The following PSAT1 variants were observed in gnomAD, a reference collection of about 807,000 sequenced individuals.
PSAT1 encodes phosphoserine aminotransferase 1, also known as phosphoserine aminotransferase.
PSAT1 carries 41 observed loss-of-function variants against 40.3 expected under a neutral mutation model. That is an observed-to-expected ratio of 1.02 (90% confidence interval 0.79 to 1.32). The LOEUF (loss-of-function observed/expected upper bound fraction) is 1.32, where lower values mean the gene tolerates loss of function less well. Among genes scored for constraint, PSAT1 ranks in the 40% most tolerant of loss-of-function variants. PSAT1 has a pLI of 0.00. For missense variants in PSAT1, 406 were observed against 455.8 expected (o/e 0.89, Z 0.99); for synonymous variants, 147 against 170.5 (o/e 0.86, Z 1.07).
At chr9:78,297,320 C>G in intron 1 of PSAT1, 50 bp downstream of exon 1, 5 of 1,557,098 alleles carry the variant, frequency 3.2e-6, no homozygotes, top group Non-Finnish European at 4.3e-6. Flanking sequence ...CGGGAGCACG[C>G]ACGCGGGTGG....
chr9:78,311,239 G>A (rs541948629), intron 6 of PSAT1, among the ~76,000 whole-genome samples: 12 of 152,214 alleles, frequency 7.9e-5, no homozygotes, highest in African/African-American at 2.6e-4. Context: ...CTGGCCTCCG[G>A]GGGAAGGGGC....
chr9:78,304,662 G>A (rs1828154388), intron 3 of PSAT1, 73 bp from the exon 4 acceptor site: 1 of 1,417,892 alleles, frequency 7.1e-7, no homozygotes, highest in African/African-American at 1.4e-5. Flanking sequence ...AAAGCACTTG[G>A]TAGAGCATCA....
At chr9:78,318,639 C>T (rs1348751284) in intron 7 of PSAT1, among the ~76,000 whole-genome samples, 1 of 152,178 alleles carries the variant, frequency 6.6e-6, no homozygotes, top group Non-Finnish European at 1.5e-5. Flanking sequence ...CTTCACATGG[C>T]CTTCTTTCTG....
rs1397133333 is a variant in PSAT1, at chr9:78,326,953, A to ATT, written c.870-1097_870-1096insTT. Among the ~76,000 whole-genome samples the ATT allele has an allele frequency of 2.7e-3, 223 of 81,428 alleles. 5 individuals carry two copies. Among genetic ancestry groups the ATT allele is most frequent in the African/African-American group, 0.019 (205 of 10,826 alleles). The allele number at this position is 81,428 out of a possible 152,430, so 53.4% of individuals were successfully genotyped here. A position where few individuals can be genotyped will look rare whatever the true frequency, so the allele number is the denominator to read the frequency against. On this transcript the variant is annotated intron_variant, in intron 7 of 8. Coordinates refer to ENST00000376588, the MANE Select transcript of PSAT1 (RefSeq NM_058179.4). ...GACAGCAATATATATATATATATAT[A>ATT]TATTTTTTTTTTTTTTTTTTGAGAC...
chr9:78,328,996 C>G lies in PSAT1; in HGVS notation c.1023C>G (p.Ile341Met), dbSNP rs1828541916. 2.5e-6 allele frequency: 4 copies of G among 1,613,776 alleles called. No homozygotes were observed. Among genetic ancestry groups the G allele is most frequent in the Non-Finnish European group, 2.5e-6 (3 of 1,179,760 alleles). Residue 341 changes from isoleucine to methionine, a missense_variant, in exon 9 of 9, where the codon ATC (isoleucine) becomes ATG (methionine). Ile to Met is a conservative substitution (Grantham distance 10). Transcript: ENST00000376588. ...SLKGHRSVGG[I>M]RASLYNAVTI... ...GTCATTCTAGGTCTGTGGGAGGCATCCGGGCCTCTCTGTATAATGCTGTCA... is the reference window on the plus strand; with the variant it reads ...GTCATTCTAGGTCTGTGGGAGGCATGCGGGCCTCTCTGTATAATGCTGTCA...
rs565834306 is a variant in PSAT1 at position 78,302,447 on chromosome 9, G to A, written c.191+424G>A. ...GGGGAATATTAAAAAATTCAAGTGG[G>A]GCCGGGCAAGGTGGCTCATGCCTGT... On this transcript the variant is annotated intron_variant, in intron 3 of 8. Coordinates refer to ENST00000376588, the MANE Select transcript of PSAT1 (RefSeq NM_058179.4). Among the ~76,000 whole-genome samples, 9 of 152,174 alleles carry A rather than the reference G, an allele frequency of 5.9e-5. No homozygotes were observed. In the South Asian group the frequency reaches 1.2e-3, roughly 21 times the overall value.
At chr9:78,324,993 T>A (rs947755418) in intron 7 of PSAT1, among the ~76,000 whole-genome samples, 21 of 152,280 alleles carry the variant, frequency 1.4e-4, no homozygotes, top group African/African-American at 4.8e-4. Flanking sequence ...TTCCTTTTTT[T>A]AATTTACAGT....
intron 6 of PSAT1, among the ~76,000 whole-genome samples, chr9:78,313,296 C>T (rs566041984): frequency 2.6e-5 from 4 of 152,230 alleles, no homozygotes; most frequent in South Asian, 2.1e-4. Flanking sequence ...ACCTGGGAGG[C>T]GGAAGTTGCA....
intron 6 of PSAT1, among the ~76,000 whole-genome samples, chr9:78,316,875 G>A (rs1828353108): frequency 6.6e-6 from 1 of 152,174 alleles, no homozygotes; most frequent in South Asian, 2.1e-4. Context: ...GAACAGCGTG[G>A]GCTTCTAGCC....
intron 5 of PSAT1, among the ~76,000 whole-genome samples, chr9:78,307,339 A>G (rs1048867762): frequency 6.6e-6 from 1 of 152,206 alleles, no homozygotes; most frequent in Admixed American, 6.5e-5. Context: ...GAATGTCTTC[A>G]AGGTTCTATT....
chr9:78,297,157 G>A lies in PSAT1; in HGVS notation c.-54G>A, dbSNP rs1828036679. On this transcript the variant is annotated 5_prime_UTR_variant, in exon 1 of 9. Transcript: ENST00000376588. ...CTCACCGCAGCGGCCAGGAACGCCA[G>A]CCGTTCACGCGTTCGGTCCTCCTTG... 1 of 1,545,646 alleles carries A rather than the reference G, an allele frequency of 6.5e-7. No individual in the cohort carries two copies. The highest frequency in any genetic ancestry group is 8.8e-7 in the Non-Finnish European group (1 of 1,142,592).
rs1239973921 is a variant in PSAT1, at chr9:78,316,513, T to TC, written c.741-1159dup. Among the ~76,000 whole-genome samples, 6 of 152,220 alleles carry TC rather than the reference T, an allele frequency of 3.9e-5. No individual in the cohort carries two copies. In the East Asian group the frequency reaches 1.2e-3, roughly 29 times the overall value. ...CTTTTTCTGCTCTCCCCACTCTTTC[T>TC]CCCCACACCCAATTCAGAAAATCTC... is the stretch of plus-strand genomic sequence containing the variant. On this transcript the variant is annotated intron_variant, in intron 6 of 8. Coordinates refer to ENST00000376588, the MANE Select transcript of PSAT1 (RefSeq NM_058179.4).
At chr9:78,305,026 T>C in intron 4 of PSAT1, 86 bp downstream of exon 4, 1 of 1,241,816 alleles carries the variant, frequency 8.1e-7, no homozygotes, top group Non-Finnish European at 1.1e-6. Flanking sequence ...TCAATTATTT[T>C]CTCCCCTTGA....
Position 78,297,232 on chromosome 9 carries a change from G to T in PSAT1, c.22G>T (p.Val8Phe). 6.2e-7 allele frequency: 1 copy of T among 1,602,530 alleles called. No individual in the cohort carries two copies. Among genetic ancestry groups the T allele is most frequent in the Non-Finnish European group, 8.5e-7 (1 of 1,178,506 alleles). Residue 8 changes from valine (V) to phenylalanine (F), a missense_variant, in exon 1 of 9, where the codon GTC becomes TTC. Transcript: ENST00000376588. MDAPRQV[V>F]NFGPGPAKLP... ...CACCATGGACGCCCCCAGGCAGGTG[G>T]TCAACTTTGGGCCTGGTCCCGCCAA...
At chr9:78,318,742 C>T (rs747899120) in intron 7 of PSAT1, among the ~76,000 whole-genome samples, 2 of 152,234 alleles carry the variant, frequency 1.3e-5, no homozygotes, top group Non-Finnish European at 2.9e-5. Flanking sequence ...AGATCCTTCA[C>T]ATAATGACAT....
chr9:78,316,330 C>T (rs114495757), intron 6 of PSAT1, among the ~76,000 whole-genome samples: 2,181 of 152,270 alleles, frequency 0.014, 48 homozygotes, highest in African/African-American at 0.048. Flanking sequence ...GAACCAGGGA[C>T]ACAAATCCTC....
intron 7 of PSAT1, among the ~76,000 whole-genome samples, chr9:78,326,955 A>ATATATATATATTT: frequency 3.9e-5 from 3 of 75,962 alleles, no homozygotes; most frequent in African/African-American, 1.9e-4. Flanking sequence ...ATATATATAT[A>ATATATATATATTT]TTTTTTTTTT....
Position 78,308,345 on chromosome 9 carries a change from G to T in PSAT1, c.571-69G>T. 4.5e-6 allele frequency: 7 copies of T among 1,544,914 alleles called. No individual in the cohort carries two copies. In the South Asian group the frequency reaches 6.7e-5, roughly 15 times the overall value. ...AAAAAATTGTGCTTCGGGAAGAGTT[G>T]GGAAGTTTGCATACATGTATGAAAA... On this transcript the variant is annotated intron_variant, in intron 5 of 8. Coordinates refer to ENST00000376588, the MANE Select transcript of PSAT1 (RefSeq NM_058179.4).
intron 7 of PSAT1, among the ~76,000 whole-genome samples, chr9:78,323,673 G>A (rs772355453): frequency 3.3e-5 from 5 of 152,082 alleles, no homozygotes; most frequent in African/African-American, 1.2e-4. Flanking sequence ...GCACACAGAC[G>A]TACATGTGTA....
Sources: gnomAD v4.1 joint callset for allele counts (sites outside exome capture counted in the v4.1 genomes callset) on GRCh38, gnomAD v4.1.1 for gene constraint, MANE v1.5 for transcripts, NCBI Gene and HGNC (gene_info 2026-07-23, HGNC 2026-07-21) for gene names.